Variants in HMCN1 observed in about 807,000 individuals in gnomAD.
The protein encoded by HMCN1 is hemicentin 1, also known as hemicentin-1.
In HMCN1, 321 loss-of-function variants were observed where a neutral mutation model predicts 625.9. The observed-to-expected ratio is 0.51, with a 90% CI of 0.47 to 0.56. HMCN1 has a LOEUF of 0.56. HMCN1 is among the 20% of genes least tolerant of loss of function. The pLI is 0.00. For synonymous variants in HMCN1, 2,425 were observed against 2,417.6 expected (o/e 1.00, Z -0.09); for missense variants, 6,588 against 6,887.3 (o/e 0.96, Z 1.54).
intron 24 of HMCN1, 32 bp downstream of exon 24, chr1:185,995,119 T>G (rs749328335): frequency 9.5e-5 from 152 of 1,603,890 alleles, no homozygotes; most frequent in Non-Finnish European, 1.3e-4. Flanking sequence ...TATATGTATG[T>G]AGGGTGGGGA....
In HMCN1 at chr1:186,137,892, ATCC is replaced by A. The variant is rs1558251968; in HGVS notation, c.13845_13847del (p.Asn4615_Pro4616delinsLys). On this transcript the variant is annotated inframe_deletion, in exon 89 of 107. Transcript: ENST00000271588. Reference sequence around the variant, plus strand: ...CAAACCAGGACCAGGACTTGCAATAATCCATCAGTTCAGCATGGTGGGCGGCCA... The same window carrying A: ...CAAACCAGGACCAGGACTTGCAATAAATCAGTTCAGCATGGTGGGCGGCCA... 1 of 1,614,090 alleles carries A rather than the reference ATCC, an allele frequency of 6.2e-7. No homozygotes were observed. Among genetic ancestry groups the A allele is most frequent in the East Asian group, 2.2e-5 (1 of 44,870 alleles).
Position 186,081,192 on chromosome 1 carries a change from G to A in HMCN1, c.8600-15G>A. 1 of 1,608,412 alleles carries A rather than the reference G, an allele frequency of 6.2e-7. No individual in the cohort carries two copies. ...TGTTGCCCATTTTTCTCCCTTTGTT[G>A]CAATCCTTTGTTAGTGCCGCCAATT... On this transcript the variant is annotated splice_polypyrimidine_tract_variant and intron_variant, in intron 55 of 106. Transcript: ENST00000271588.
intron 2 of HMCN1, among the ~76,000 whole-genome samples, chr1:185,851,761 A>G (rs1023826001): frequency 6.6e-6 from 1 of 152,028 alleles, no homozygotes; most frequent in African/African-American, 2.4e-5. Context: ...AATGTTTTAA[A>G]GAACAGAAAG....
chr1:185,942,232 A>C (rs1668120226), intron 11 of HMCN1, among the ~76,000 whole-genome samples: 1 of 152,072 alleles, frequency 6.6e-6, no homozygotes, highest in African/African-American at 2.4e-5. Context: ...AAAGGATATG[A>C]ATGACTTAAT....
chr1:185,966,896 A>C (rs988764799), intron 14 of HMCN1, among the ~76,000 whole-genome samples: 1 of 152,176 alleles, frequency 6.6e-6, no homozygotes, highest in Non-Finnish European at 1.5e-5. Context: ...ATCAAAAGCA[A>C]GGTGGAAACT....
chr1:186,176,961 G>A (rs1652627647), intron 103 of HMCN1: 1 of 152,048 alleles, frequency 6.6e-6, no homozygotes, highest in African/African-American at 2.4e-5. Flanking sequence ...GAGGTCAGGA[G>A]ATCAAGACCA....
intron 15 of HMCN1, among the ~76,000 whole-genome samples, chr1:185,972,661 CA>C (rs928791691): frequency 4.6e-5 from 7 of 152,126 alleles, no homozygotes; most frequent in African/African-American, 7.2e-5. Context: ...CAGTACCATT[CA>C]TGTTTCTGTT....
At chr1:185,913,464 C>T (rs1666536701) in intron 6 of HMCN1, among the ~76,000 whole-genome samples, 1 of 152,132 alleles carries the variant, frequency 6.6e-6, no homozygotes, top group South Asian at 2.1e-4. Flanking sequence ...GAAGAAGTGT[C>T]GAGTCTCTTC....
intron 4 of HMCN1, among the ~76,000 whole-genome samples, chr1:185,903,142 A>G (rs932446910): frequency 1.3e-5 from 2 of 151,880 alleles, no homozygotes; most frequent in Admixed American, 1.3e-4. Flanking sequence ...ATAAAGATAA[A>G]TTAATGAAAT....
intron 4 of HMCN1, among the ~76,000 whole-genome samples, chr1:185,875,993 G>C (rs1021932770): frequency 6.6e-5 from 10 of 151,958 alleles, no homozygotes; most frequent in African/African-American, 2.4e-4. Flanking sequence ...GGTGAGGTTT[G>C]GGTTTCTAGT....
At chr1:186,175,928 T>TAAAG (rs1210597376) in intron 103 of HMCN1, among the ~76,000 whole-genome samples, 2 of 149,472 alleles carry the variant, frequency 1.3e-5, no homozygotes, top group Admixed American at 6.6e-5. Flanking sequence ...AGAAAAGAGT[T>TAAAG]AAAGAAACTG....
chr1:185,786,588 TG>T (rs1362876717), intron 1 of HMCN1, among the ~76,000 whole-genome samples: 1 of 152,224 alleles, frequency 6.6e-6, no homozygotes, highest in African/African-American at 2.4e-5. Flanking sequence ...GCAGTTGCAA[TG>T]GATCACTGTG....
intron 1 of HMCN1, among the ~76,000 whole-genome samples, chr1:185,783,165 C>T (rs1657271197): frequency 6.6e-6 from 1 of 152,126 alleles, no homozygotes; most frequent in Non-Finnish European, 1.5e-5. Context: ...GCATTCGTCA[C>T]GTAGTTCTTG....
At chr1:185,990,081 A>T (rs1185943109) in intron 21 of HMCN1, among the ~76,000 whole-genome samples, 194 bp from the exon 22 acceptor site, 1 of 152,148 alleles carries the variant, frequency 6.6e-6, no homozygotes, top group Non-Finnish European at 1.5e-5. Context: ...GGAATTACTG[A>T]CTAGAGAAAG....
intron 89 of HMCN1, 85 bp from the exon 90 acceptor site, chr1:186,144,088 A>C: frequency 7.9e-7 from 1 of 1,264,762 alleles, no homozygotes; most frequent in South Asian, 1.5e-5. Flanking sequence ...TAATTAGCTC[A>C]TTACTGAGTT....
At chr1:185,874,760 A>G (rs1474790435) in intron 4 of HMCN1, among the ~76,000 whole-genome samples, 3 of 152,046 alleles carry the variant, frequency 2.0e-5, no homozygotes, top group Non-Finnish European at 4.4e-5. Flanking sequence ...AATAGACACA[A>G]GAAATTTATT....
In HMCN1 at chr1:186,001,622, T is replaced by C. The variant is rs1211240072; in HGVS notation, c.4229T>C (p.Val1410Ala). 2.5e-6 allele frequency: 4 copies of C among 1,613,036 alleles called. No individual in the cohort carries two copies. Among genetic ancestry groups the C allele is most frequent in the Non-Finnish European group, 3.4e-6 (4 of 1,179,358 alleles). The part of the protein sequence containing the change: ...QVTESSTIQT[V>A]NNGKILKLFR... ...ACTGAAAGCAGCACTATTCAGACTGTGAACAATGGGAAGATACTGAAGCTC... is the reference window on the plus strand; with the variant it reads ...ACTGAAAGCAGCACTATTCAGACTGCGAACAATGGGAAGATACTGAAGCTC... Residue 1410 changes from valine to alanine, a missense_variant, in exon 28 of 107, where the codon GTG (valine) becomes GCG (alanine). Physicochemically the swap from Val to Ala is moderately conservative, Grantham distance 64. Transcript: ENST00000271588.
intron 38 of HMCN1, 138 bp downstream of exon 38, chr1:186,039,143 CTT>C: frequency 1.4e-6 from 1 of 722,222 alleles, no homozygotes; most frequent in Middle Eastern, 3.5e-4. Flanking sequence ...TGTTCTAAAA[CTT>C]ATAAATGTGC....
At position 185,928,656 on chromosome 1, in the gene HMCN1, T is replaced by A. The variant is rs767275193; in HGVS notation, c.1541T>A (p.Phe514Tyr). The change falls in exon 10 of 107, where the codon TTT becomes TAT. Residue 514 changes from phenylalanine to tyrosine, a missense_variant. Physicochemically the swap from Phe to Tyr is conservative, Grantham distance 22 (BLOSUM62 3). Coordinates refer to ENST00000271588, the MANE Select transcript of HMCN1 (RefSeq NM_031935.3). ...SAGTGRAQTF[F>Y]DVSEPPPVIQ... ...GGTACTGGACGGGCACAGACATTTT[T>A]TGACGTATCAGGTAATTACCACTAA... 1.2e-6 allele frequency: 2 copies of A among 1,613,348 alleles called. No homozygotes were observed. Among genetic ancestry groups the A allele is most frequent in the Non-Finnish European group, 1.7e-6 (2 of 1,179,438 alleles).
Sources: gnomAD v4.1 joint callset for allele counts (sites outside exome capture counted in the v4.1 genomes callset) on GRCh38, gnomAD v4.1.1 for gene constraint, MANE v1.5 for transcripts, NCBI Gene and HGNC (gene_info 2026-07-23, HGNC 2026-07-21) for gene names.